Variants in ANK2 observed in about 807,000 individuals in gnomAD.
ANK2 encodes ankyrin 2, also known as ankyrin-2.
Under a neutral mutation model 360.5 loss-of-function variants are expected in ANK2, and 83 were observed. The observed-to-expected ratio is 0.23, with a 90% CI of 0.19 to 0.28. The LOEUF (loss-of-function observed/expected upper bound fraction) is 0.28. ANK2 is among the 10% of genes least tolerant of loss of function. The pLI, the probability that ANK2 is intolerant of heterozygous loss-of-function variation, is 1.00. For missense variants in ANK2, 4,201 were observed against 4,795.7 expected (o/e 0.88, Z 3.66); for synonymous variants, 1,740 against 1,759.5 (o/e 0.99, Z 0.28).
intron 1 of ANK2, among the ~76,000 whole-genome samples, chr4:112,856,583 C>A (rs2066462174): frequency 6.6e-6 from 1 of 152,144 alleles, no homozygotes. Context: ...CAAAAATTAG[C>A]TGGGCATGGT....
chr4:112,799,861 G>A, the ANK2 span, among the ~76,000 whole-genome samples: 2 of 144,388 alleles, frequency 1.4e-5, no homozygotes, highest in African/African-American at 5.2e-5. Context: ...TGACTAAAAT[G>A]TGTAAAGCAG....
the ANK2 span, among the ~76,000 whole-genome samples, chr4:112,735,743 A>T: frequency 6.6e-6 from 1 of 152,204 alleles, no homozygotes; most frequent in Admixed American, 6.5e-5. Flanking sequence ...TGTACAGTTC[A>T]GTAGTATTAG....
At chr4:112,896,790 C>T (rs2081891161) in intron 1 of ANK2, among the ~76,000 whole-genome samples, 1 of 152,186 alleles carries the variant, frequency 6.6e-6, no homozygotes, top group South Asian at 2.1e-4. Context: ...GGGCTTCTCC[C>T]TTTATTCAGC....
At chr4:113,351,909 C>T (rs561224031) in intron 37 of ANK2, among the ~76,000 whole-genome samples, 1 of 152,260 alleles carries the variant, frequency 6.6e-6, no homozygotes, top group African/African-American at 2.4e-5. Flanking sequence ...GTGGAAGGGA[C>T]TCTTACCTGA....
intron 1 of ANK2, among the ~76,000 whole-genome samples, chr4:112,862,807 G>A (rs75138158): frequency 0.012 from 1,852 of 151,620 alleles, 34 homozygotes; most frequent in African/African-American, 0.04. Flanking sequence ...CTGTATTCTC[G>A]GCTACTTGAG....
chr4:113,302,633 A>G, intron 22 of ANK2, 134 bp from the exon 23 acceptor site: 10 of 708,538 alleles, frequency 1.4e-5, no homozygotes, highest in Non-Finnish European at 5.0e-6. Context: ...TCCAAAATAT[A>G]CACGCGGGAA....
intron 1 of ANK2, among the ~76,000 whole-genome samples, chr4:113,122,242 TG>T (rs2095409711): frequency 6.6e-6 from 1 of 151,982 alleles, no homozygotes. Context: ...AGGAGGAGAT[TG>T]GACAGCCTAG....
intron 1 of ANK2, among the ~76,000 whole-genome samples, chr4:113,112,916 A>T (rs1449690719): frequency 6.6e-6 from 1 of 152,156 alleles, no homozygotes; most frequent in Non-Finnish European, 1.5e-5. Flanking sequence ...AAACATTCTT[A>T]TCACAAGAAA....
chr4:113,232,187 T>G lies in ANK2; in HGVS notation c.411T>G (p.Ala137=). The stretch of plus-strand genomic sequence containing the variant: ...ATGGCTTTACTCCTTTATACATGGC[T>G]GCCCAAGAGAATCACATTGATGTTG... ...SQNGFTPLYM[A]AQENHIDVVK... is the part of the protein sequence containing the mutation. The change falls in exon 5 of 46, where the codon GCT becomes GCG. Residue 137 remains alanine, a synonymous_variant. Coordinates refer to ENST00000357077, the MANE Select transcript of ANK2 (RefSeq NM_001148.6). The G allele has an allele frequency of 6.2e-7, 1 of 1,604,772 alleles. No homozygotes were observed. Among genetic ancestry groups the G allele is most frequent in the Non-Finnish European group, 8.5e-7 (1 of 1,171,570 alleles).
At chr4:113,004,892 A>G (rs953810553) in intron 2 of ANK2, among the ~76,000 whole-genome samples, 1 of 152,212 alleles carries the variant, frequency 6.6e-6, no homozygotes, top group Non-Finnish European at 1.5e-5. Flanking sequence ...GCTGCCATAT[A>G]TAGTGTCCAT....
At chr4:113,265,110 G>C (rs773847175) in intron 14 of ANK2, 115 bp downstream of exon 14, 11 of 1,016,202 alleles carry the variant, frequency 1.1e-5, no homozygotes, top group Middle Eastern at 2.1e-4. Flanking sequence ...GTAAGTGAAA[G>C]GATCAATTCA....
rs186201187 is a variant in ANK2, at chr4:113,327,929, A to G, written c.2901-2317A>G. ...AGTTTCAAGAGACACAGTCAATGACACAATCAGGGCAAGTAATCTAACCTG... is the reference window on the plus strand; with the variant it reads ...AGTTTCAAGAGACACAGTCAATGACGCAATCAGGGCAAGTAATCTAACCTG... On this transcript the variant is annotated intron_variant, in intron 26 of 45. Coordinates refer to ENST00000357077, the MANE Select transcript of ANK2 (RefSeq NM_001148.6). 1.6e-4 allele frequency among the ~76,000 whole-genome samples: 25 copies of G among 152,338 alleles called. 1 individual carries two copies. The highest frequency in any genetic ancestry group is 5.5e-4 in the African/African-American group (23 of 41,580).
intron 42 of ANK2, among the ~76,000 whole-genome samples, chr4:113,368,867 G>A (rs1225997538): frequency 1.3e-5 from 2 of 152,136 alleles, no homozygotes; most frequent in South Asian, 2.1e-4. Context: ...GACATTTTAG[G>A]CATTTAATAT....
chr4:113,233,958 C>A (rs1416513230), intron 5 of ANK2, among the ~76,000 whole-genome samples: 1 of 152,082 alleles, frequency 6.6e-6, no homozygotes, highest in Non-Finnish European at 1.5e-5. Context: ...GCTCAGGTAA[C>A]AATATGAGAC....
intron 1 of ANK2, among the ~76,000 whole-genome samples, chr4:112,902,424 A>G (rs775890037): frequency 6.6e-6 from 1 of 152,224 alleles, no homozygotes; most frequent in Non-Finnish European, 1.5e-5. Flanking sequence ...TCACTAATAT[A>G]AGAGCTGGAA....
At chr4:112,878,914 C>T (rs144777107) in intron 1 of ANK2, among the ~76,000 whole-genome samples, 1,739 of 152,198 alleles carry the variant, frequency 0.011, 24 homozygotes, top group African/African-American at 0.031. Context: ...TGAGCCACTG[C>T]GCCCGGCCCC....
the ANK2 span, among the ~76,000 whole-genome samples, chr4:112,726,680 T>C: frequency 6.6e-6 from 1 of 151,854 alleles, no homozygotes; most frequent in Non-Finnish European, 1.5e-5. Context: ...TGAAACCCCA[T>C]CTCTACTAAA....
At chr4:113,095,056 A>C (rs900050466) in intron 1 of ANK2, among the ~76,000 whole-genome samples, 3 of 152,240 alleles carry the variant, frequency 2.0e-5, no homozygotes, top group Non-Finnish European at 4.4e-5. Flanking sequence ...GCTGTGGCAC[A>C]GTCTAATTGG....
chr4:112,759,221 A>C, the ANK2 span, among the ~76,000 whole-genome samples: 7 of 152,136 alleles, frequency 4.6e-5, no homozygotes, highest in Admixed American at 2.6e-4. Context: ...CTGCAGCTTC[A>C]AACTCCTGGG....
Sources: gnomAD v4.1 joint callset for allele counts (sites outside exome capture counted in the v4.1 genomes callset) on GRCh38, gnomAD v4.1.1 for gene constraint, MANE v1.5 for transcripts, NCBI Gene and HGNC (gene_info 2026-07-23, HGNC 2026-07-21) for gene names.